VWF: variants seen among roughly 807,000 people sequenced by gnomAD.
VWF encodes von Willebrand factor.
Under a neutral mutation model 308.6 loss-of-function variants are expected in VWF, and 176 were observed. The observed-to-expected ratio is 0.57, with a 90% CI of 0.50 to 0.65. The LOEUF (loss-of-function observed/expected upper bound fraction) is 0.65. VWF is among the 30% of genes least tolerant of loss of function. VWF has a pLI of 0.00. For synonymous variants in VWF, 1,385 were observed against 1,443.4 expected (o/e 0.96, Z 0.92); for missense variants, 3,146 against 3,648.2 (o/e 0.86, Z 3.55).
At chr12:6,043,345 G>A (rs1944413216) in intron 18 of VWF, among the ~76,000 whole-genome samples, 1 of 152,160 alleles carries the variant, frequency 6.6e-6, no homozygotes, top group African/African-American at 2.4e-5. Context: ...AGGTCCCACA[G>A]TCCAGGACAC....
At chr12:5,952,609 G>C in intron 48 of VWF, 90 bp from the exon 49 acceptor site, 1 of 1,514,306 alleles carries the variant, frequency 6.6e-7, no homozygotes, top group Non-Finnish European at 9.0e-7. Context: ...TGGAGATGAC[G>C]AAACAATCTG....
intron 10 of VWF, among the ~76,000 whole-genome samples, chr12:6,067,569 A>G (rs1944730545): frequency 6.6e-6 from 1 of 152,180 alleles, no homozygotes; most frequent in Non-Finnish European, 1.5e-5. Context: ...CCTCGGTACA[A>G]CTGAGCAACA....
intron 44 of VWF, 148 bp downstream of exon 44, chr12:5,971,451 C>T: frequency 1.4e-6 from 1 of 689,824 alleles, no homozygotes; most frequent in Non-Finnish European, 2.6e-6. Context: ...GCAGGTCATC[C>T]CAGCTGGCAT....
chr12:5,987,223 C>T (rs1329967247), intron 38 of VWF, among the ~76,000 whole-genome samples: 3 of 152,130 alleles, frequency 2.0e-5, no homozygotes, highest in Admixed American at 2.0e-4. Context: ...CCACTATGCC[C>T]GGCCCAAATC....
At position 6,057,570 on chromosome 12, in the gene VWF, G is replaced by A. The variant is rs1232137983; in HGVS notation, c.1729+279C>T. ...TCCCTACGTTGCCCAGACTGGTCTCGAACTCCTGCCCTCAAGCGATCCTCC... is the reference window on the plus strand; with the variant it reads ...TCCCTACGTTGCCCAGACTGGTCTCAAACTCCTGCCCTCAAGCGATCCTCC... On this transcript the variant is annotated intron_variant, in intron 14 of 51. Coordinates refer to ENST00000261405, the MANE Select transcript of VWF (RefSeq NM_000552.5). 3.4e-5 allele frequency among the ~76,000 whole-genome samples: 5 copies of A among 146,190 alleles called. No homozygotes were observed. In the East Asian group the frequency reaches 9.9e-4, roughly 29 times the overall value.
chr12:5,994,098 T>C lies in VWF; in HGVS notation c.6362A>G (p.Gln2121Arg). The C allele has an allele frequency of 6.2e-7, 1 of 1,614,198 alleles. No individual in the cohort carries two copies. Among genetic ancestry groups the C allele is most frequent in the Non-Finnish European group, 8.5e-7 (1 of 1,180,040 alleles). Residue 2121 changes from glutamine (Q) to arginine (R), a missense_variant, in exon 37 of 52, where the codon CAG (glutamine) becomes CGG (arginine). Gln to Arg is a conservative substitution (Grantham distance 43, BLOSUM62 1). Coordinates refer to ENST00000261405, the MANE Select transcript of VWF (RefSeq NM_000552.5). ...VQEWTVQRPG[Q>R]TCQPILEEQC... is the part of the protein sequence containing the mutation. The stretch of plus-strand genomic sequence containing the variant: ...CTCCTCCAGGATGGGCTGGCACGTC[T>C]GCCCTGGCCGCTGCACAGTCCATTC...
At chr12:6,067,438 A>G (rs1944728907) in intron 10 of VWF, among the ~76,000 whole-genome samples, 1 of 152,230 alleles carries the variant, frequency 6.6e-6, no homozygotes, top group South Asian at 2.1e-4. Flanking sequence ...CAAATATTCG[A>G]AAGGAAAACT....
chr12:6,096,496 A>G (rs760378644), intron 5 of VWF, among the ~76,000 whole-genome samples: 1 of 152,162 alleles, frequency 6.6e-6, no homozygotes, highest in African/African-American at 2.4e-5. Flanking sequence ...GCTCATATTC[A>G]TCTCCCATTC....
Position 6,025,905 on chromosome 12 carries a change from C to G in VWF, c.3108+1G>C. The G allele has an allele frequency of 6.2e-7, 1 of 1,613,922 alleles. No homozygotes were observed. The highest frequency in any genetic ancestry group is 1.7e-5 in the Admixed American group (1 of 60,012). ...CTGTCCACACAGAGACCCAGACGTA[C>G]TTTTCTGGTGTCAGCACACTGCGAG... On this transcript the variant is annotated splice_donor_variant, in intron 23 of 51. Coordinates refer to ENST00000261405, the MANE Select transcript of VWF (RefSeq NM_000552.5). LOFTEE classifies it high-confidence loss of function.
intron 42 of VWF, among the ~76,000 whole-genome samples, chr12:5,977,738 G>T (rs186669915): frequency 2.0e-5 from 3 of 151,798 alleles, no homozygotes; most frequent in Admixed American, 6.6e-5. Context: ...GGATGTGGTG[G>T]CATATGTCTG....
At chr12:6,043,292 G>C (rs556808453) in intron 18 of VWF, among the ~76,000 whole-genome samples, 98 of 152,276 alleles carry the variant, frequency 6.4e-4, no homozygotes, top group African/African-American at 2.3e-3. Flanking sequence ...CTTCCTGAGA[G>C]ACACTGGTAA....
chr12:6,119,657 C>A (rs544496003), intron 3 of VWF, among the ~76,000 whole-genome samples: 1 of 152,234 alleles, frequency 6.6e-6, no homozygotes, highest in African/African-American at 2.4e-5. Context: ...ACCAGCCTGG[C>A]CAATATGGTG....
In VWF at chr12:6,092,622, T is replaced by TGAGAGTGAGAGAGAGAGAGAGAGA. The variant is rs1403649370; in HGVS notation, c.657+2837_657+2838insTCTCTCTCTCTCTCTCTCACTCTC. ...GCTAGTTAGTGAGTGAGTGAGAGTG[T>TGAGAGTGAGAGAGAGAGAGAGAGA]GTGTGTGTGTGTGTGTGTGTGTGTG... On this transcript the variant is annotated intron_variant, in intron 6 of 51. Transcript: ENST00000261405. Among the ~76,000 whole-genome samples, 77 of 91,504 alleles carry TGAGAGTGAGAGAGAGAGAGAGAGA rather than the reference T, an allele frequency of 8.4e-4. 5 individuals are homozygous for TGAGAGTGAGAGAGAGAGAGAGAGA. The highest frequency in any genetic ancestry group is 3.8e-3 in the African/African-American group (71 of 18,892). 60.0% of individuals were successfully genotyped at this position (91,504 alleles called of 152,430 possible).
At chr12:6,036,533 T>C (rs770172858) in intron 18 of VWF, 42 bp from the exon 19 acceptor site, 1 of 1,585,192 alleles carries the variant, frequency 6.3e-7, no homozygotes, top group Admixed American at 1.7e-5. Flanking sequence ...CCACAGTGAC[T>C]GATCTAAAGC....
chr12:6,093,552 G>A lies in VWF; in HGVS notation c.657+1908C>T, dbSNP rs186902273. On this transcript the variant is annotated intron_variant, in intron 6 of 51. Transcript: ENST00000261405. ...TAAACCTCCTGCATACAAACGTCCC[G>A]CCCAGGGAGGCTGACTCACAGCACC... 3.9e-5 allele frequency among the ~76,000 whole-genome samples: 6 copies of A among 152,236 alleles called. No individual in the cohort carries two copies. In the East Asian group the frequency reaches 7.7e-4, roughly 20 times the overall value.
At chr12:6,043,966 C>A (rs1002519928) in intron 18 of VWF, among the ~76,000 whole-genome samples, 1 of 152,154 alleles carries the variant, frequency 6.6e-6, no homozygotes, top group African/African-American at 2.4e-5. Context: ...TGGGAAAATT[C>A]TAGTGGGAAT....
chr12:6,102,632 G>A (rs1268500423), intron 5 of VWF, among the ~76,000 whole-genome samples: 1 of 152,016 alleles, frequency 6.6e-6, no homozygotes, highest in African/African-American at 2.4e-5. Context: ...CTACTCAGGA[G>A]GCTGAGGCAG....
At position 6,058,055 on chromosome 12, in the gene VWF, G is replaced by A. The variant is rs758976254; in HGVS notation, c.1534-11C>T. On this transcript the variant is annotated splice_polypyrimidine_tract_variant and intron_variant, in intron 13 of 51. Coordinates refer to ENST00000261405, the MANE Select transcript of VWF (RefSeq NM_000552.5). The surrounding 1 kb of genome is among the most constrained non-coding windows in gnomAD (Gnocchi z 4.9). The stretch of plus-strand genomic sequence containing the variant: ...ATAGACGGGGGACAGCTGCAGGAGA[G>A]ACCAGGCCACTCTGGAGCCGCTGCC... The A allele has an allele frequency of 6.2e-7, 1 of 1,612,838 alleles. No individual in the cohort carries two copies. Among genetic ancestry groups the A allele is most frequent in the Non-Finnish European group, 8.5e-7 (1 of 1,179,984 alleles).
rs555463109 is a variant in VWF, at chr12:6,039,211, A to G, written c.2443-2720T>C. On this transcript the variant is annotated intron_variant, in intron 18 of 51. Coordinates refer to ENST00000261405, the MANE Select transcript of VWF (RefSeq NM_000552.5). ...ATGTCCCCTGAAGACTTCAGAAGAA[A>G]GCCTGGCAAAAATACTCGTCCCATC... is the stretch of plus-strand genomic sequence containing the variant. Among the ~76,000 whole-genome samples, 3 of 152,242 alleles carry G rather than the reference A, an allele frequency of 2.0e-5. No homozygotes were observed. In the South Asian group the frequency reaches 6.2e-4, roughly 32 times the overall value.
Sources: allele counts gnomAD v4.1 joint callset (sites outside exome capture counted in the v4.1 genomes callset), GRCh38; gene constraint gnomAD v4.1.1; non-coding constraint Gnocchi (gnomAD v3.1); transcripts MANE v1.5; gene names NCBI Gene and HGNC (gene_info 2026-07-23, HGNC 2026-07-21).